ADCY5: variants seen among roughly 807,000 people sequenced by gnomAD.
ADCY5 encodes adenylate cyclase type 5.
In ADCY5, 30 loss-of-function variants were observed where a neutral mutation model predicts 119.7. The ratio of observed to expected loss-of-function variants is 0.25; its 90% confidence interval spans 0.19 to 0.34. The LOEUF is 0.34. ADCY5 is among the 10% of genes least tolerant of loss of function. The pLI is 1.00. For missense variants in ADCY5, 1,324 were observed against 1,775.2 expected (o/e 0.75, Z 4.57); for synonymous variants, 753 against 762.2 (o/e 0.99, Z 0.20).
intron 1 of ADCY5, among the ~76,000 whole-genome samples, chr3:123,374,276 G>A (rs978934160): frequency 1.2e-4 from 18 of 152,158 alleles, no homozygotes; most frequent in Non-Finnish European, 1.2e-4. Flanking sequence ...ATCAGAGAGC[G>A]ACAGATGATG....
chr3:123,305,965 G>A (rs1160030417), intron 12 of ADCY5, among the ~76,000 whole-genome samples: 1 of 152,186 alleles, frequency 6.6e-6, no homozygotes, highest in Non-Finnish European at 1.5e-5. Flanking sequence ...TGGGACTACA[G>A]GCTGAAAGAT....
chr3:123,345,141 G>A (rs1215344660), intron 3 of ADCY5, among the ~76,000 whole-genome samples: 2 of 152,182 alleles, frequency 1.3e-5, no homozygotes, highest in Admixed American at 6.5e-5. Flanking sequence ...GGCAGTCACC[G>A]TAGAAGAGGC....
chr3:123,406,914 G>A (rs1202871909), intron 1 of ADCY5, among the ~76,000 whole-genome samples: 7 of 152,088 alleles, frequency 4.6e-5, no homozygotes, highest in African/African-American at 7.2e-5. Context: ...CCAAGCCGCC[G>A]CCACTGCTCC....
chr3:123,303,785 A>G (rs1940001090), intron 13 of ADCY5, among the ~76,000 whole-genome samples: 1 of 152,068 alleles, frequency 6.6e-6, no homozygotes, highest in Non-Finnish European at 1.5e-5. Context: ...TGATGGCACC[A>G]CTGCACTCCA....
intron 8 of ADCY5, among the ~76,000 whole-genome samples, chr3:123,323,865 T>C (rs1173136459): frequency 6.6e-6 from 1 of 152,150 alleles, no homozygotes; most frequent in Non-Finnish European, 1.5e-5. Flanking sequence ...GGTCTCACTA[T>C]GCTGTCCAGG....
At chr3:123,429,810 A>C (rs1945486911) in intron 1 of ADCY5, among the ~76,000 whole-genome samples, 1 of 151,838 alleles carries the variant, frequency 6.6e-6, no homozygotes. Context: ...AAAAACCAAG[A>C]CTCTGAGCAA....
intron 1 of ADCY5, among the ~76,000 whole-genome samples, chr3:123,444,249 C>T (rs568980211): frequency 5.3e-5 from 8 of 152,252 alleles, no homozygotes; most frequent in East Asian, 1.9e-4. Context: ...AACCCCGTGA[C>T]GCTCCTACTA....
At chr3:123,421,438 A>G (rs1945300228) in intron 1 of ADCY5, among the ~76,000 whole-genome samples, 1 of 152,176 alleles carries the variant, frequency 6.6e-6, no homozygotes, top group Non-Finnish European at 1.5e-5. Context: ...ATCACGTCAT[A>G]CTGTTAGCAC....
intron 2 of ADCY5, among the ~76,000 whole-genome samples, chr3:123,349,909 G>C (rs1942750420): frequency 6.6e-6 from 1 of 152,174 alleles, no homozygotes; most frequent in Non-Finnish European, 1.5e-5. Flanking sequence ...AGACCATGTC[G>C]CCTTCTAAGC....
Position 123,309,763 on chromosome 3 carries a change from T to C in ADCY5, c.2442+4472A>G, listed in dbSNP as rs552381397. Among the ~76,000 whole-genome samples, 32 of 152,202 alleles carry C rather than the reference T, an allele frequency of 2.1e-4. 1 individual carries two copies. The South Asian group carries it at 6.6e-3, about 32-fold the overall frequency. On this transcript the variant is annotated intron_variant, in intron 12 of 20. Transcript: ENST00000462833. ...GTGACAGGAATGTGTCCCCTGAGCA[T>C]GCAGGGGGAAAGGTAAACATGGGAA...
chr3:123,370,946 C>T (rs575752743), intron 1 of ADCY5, among the ~76,000 whole-genome samples: 1 of 152,172 alleles, frequency 6.6e-6, no homozygotes, highest in Non-Finnish European at 1.5e-5. Context: ...TGTGAAAACA[C>T]TAAGGCCACT....
intron 9 of ADCY5, among the ~76,000 whole-genome samples, 199 bp downstream of exon 9, chr3:123,320,550 G>C (rs138007960): frequency 9.5e-4 from 145 of 152,336 alleles, no homozygotes; most frequent in Middle Eastern, 3.4e-3. Flanking sequence ...TCTGCTGGGT[G>C]GCCTGGGCTT....
rs984164394 is a variant in ADCY5 at position 123,313,018 on chromosome 3, G to A, written c.2442+1217C>T. Among the ~76,000 whole-genome samples, 5 of 152,322 alleles carry A rather than the reference G, an allele frequency of 3.3e-5. 1 individual carries two copies. The South Asian group carries it at 1.0e-3, about 32-fold the overall frequency. ...GGGTCAGTGGACAGGCAGGGAACCA[G>A]CTAACGTTAAGCCCTACGATGCAGC... On this transcript the variant is annotated intron_variant, in intron 12 of 20. Coordinates refer to ENST00000462833, the MANE Select transcript of ADCY5 (RefSeq NM_183357.3).
At chr3:123,431,289 C>T (rs767056041) in intron 1 of ADCY5, among the ~76,000 whole-genome samples, 1 of 152,224 alleles carries the variant, frequency 6.6e-6, no homozygotes, top group South Asian at 2.1e-4. Flanking sequence ...TATACAATTT[C>T]TCCCTACTCA....
At chr3:123,407,885 T>C (rs1010664732) in intron 1 of ADCY5, among the ~76,000 whole-genome samples, 3 of 150,528 alleles carry the variant, frequency 2.0e-5, no homozygotes. Context: ...AGCAGACTAG[T>C]GGTTGCCAGG....
At chr3:123,396,828 G>GAGAGAC in intron 1 of ADCY5, among the ~76,000 whole-genome samples, 1 of 150,374 alleles carries the variant, frequency 6.7e-6, no homozygotes, top group Non-Finnish European at 1.5e-5. Context: ...GCGAGAGAGA[G>GAGAGAC]AGAGAGAGAG....
intron 1 of ADCY5, among the ~76,000 whole-genome samples, chr3:123,396,065 G>GAGAGAGGGAGGGAGA (rs1559859695): frequency 0.014 from 103 of 7,122 alleles, no homozygotes; most frequent in East Asian, 0.027. Context: ...AGGGAGGGTG[G>GAGAGAGGGAGGGAGA]GAGGGAGAGG....
chr3:123,290,050 GC>G, intron 18 of ADCY5, 96 bp from the exon 19 acceptor site: 1 of 1,228,930 alleles, frequency 8.1e-7, no homozygotes, highest in Non-Finnish European at 1.2e-6. Context: ...CAGCAGCATG[GC>G]CCTTCATGTG....
intron 1 of ADCY5, among the ~76,000 whole-genome samples, chr3:123,440,507 G>T (rs989067103): frequency 6.7e-6 from 1 of 149,370 alleles, no homozygotes; most frequent in Non-Finnish European, 1.5e-5. Context: ...CCAGAGAACA[G>T]CCCTACCCCC....
Sources: allele counts gnomAD v4.1 joint callset (sites outside exome capture counted in the v4.1 genomes callset), GRCh38; gene constraint gnomAD v4.1.1; transcripts MANE v1.5; gene names NCBI Gene and HGNC (gene_info 2026-07-23, HGNC 2026-07-21).